GDA: variants seen among roughly 807,000 people sequenced by gnomAD.
The protein encoded by GDA is guanine deaminase, also known as cytoplasmic PSD-95 interactor.
GDA carries 18 observed loss-of-function variants against 59.6 expected under a neutral mutation model. The observed-to-expected ratio is 0.30, with a 90% confidence interval of 0.21 to 0.45. GDA has a LOEUF of 0.45. Among genes scored for constraint, GDA ranks in the 20% least tolerant of loss-of-function variants. The pLI is 1.00. For synonymous variants in GDA, 201 were observed against 201.1 expected (o/e 1.00, Z 0.00); for missense variants, 427 against 552.3 (o/e 0.77, Z 2.27).
intron 4 of GDA, among the ~76,000 whole-genome samples, chr9:72,211,758 T>C (rs554478874): frequency 1.3e-5 from 2 of 152,216 alleles, no homozygotes; most frequent in South Asian, 4.2e-4. Flanking sequence ...GGAGTGTCAA[T>C]AGTGGATGCA....
intron 10 of GDA, among the ~76,000 whole-genome samples, chr9:72,234,427 T>TA (rs907608282): frequency 3.2e-4 from 48 of 152,264 alleles, no homozygotes; most frequent in Non-Finnish European, 6.5e-4. Context: ...ATACCTCAGT[T>TA]AAAAAAATGA....
In GDA at chr9:72,198,862, A is replaced by ATATATATATATATATATATAT. The variant is rs1564025002; in HGVS notation, c.212+3274_212+3275insTATATATATATATATATATAT. On this transcript the variant is annotated intron_variant, in intron 2 of 13. Transcript: ENST00000358399. The stretch of plus-strand genomic sequence containing the variant: ...ATATAGGGGGATATATATATATATA[A>ATATATATATATATATATATAT]AATTTTTTTTGCTCAGGTTATGATA... Among the ~76,000 whole-genome samples, 262 of 91,754 alleles carry ATATATATATATATATATATAT rather than the reference A, an allele frequency of 2.9e-3. 6 individuals carry two copies. Among genetic ancestry groups the ATATATATATATATATATATAT allele is most frequent in the African/African-American group, 8.7e-3 (224 of 25,766 alleles). The allele number at this position is 91,754 out of a possible 152,430, so 60.2% of individuals were successfully genotyped here.
chr9:72,164,468 T>C (rs1290576924), intron 1 of GDA, among the ~76,000 whole-genome samples: 1 of 152,096 alleles, frequency 6.6e-6, no homozygotes, highest in Non-Finnish European at 1.5e-5. Flanking sequence ...GCAATCAGCT[T>C]GGGTTAGGTT....
intron 3 of GDA, among the ~76,000 whole-genome samples, chr9:72,206,084 T>C (rs147739693): frequency 1.4e-4 from 21 of 152,344 alleles, no homozygotes; most frequent in African/African-American, 4.6e-4. Flanking sequence ...GGTTAGTAAA[T>C]GTAATGTGTC....
intron 1 of GDA, among the ~76,000 whole-genome samples, chr9:72,116,729 C>A (rs1008173602): frequency 6.6e-6 from 1 of 151,982 alleles, no homozygotes; most frequent in South Asian, 2.1e-4. Context: ...TTTCAGAACC[C>A]TTATCTTATA....
Position 72,250,682 on chromosome 9 carries a change from G to A in GDA, c.*2340G>A. 2 of 1,610,148 alleles carry A rather than the reference G, an allele frequency of 1.2e-6. No individual in the cohort carries two copies. Among genetic ancestry groups the A allele is most frequent in the South Asian group, 2.2e-5 (2 of 91,012 alleles). ...CTAATGTAGGTTGACTTTCTGAATT[G>A]TGGAGAGGCACTTTTCCAAGCCAAT... On this transcript the variant is annotated 3_prime_UTR_variant, in exon 14 of 14. Transcript: ENST00000358399.
chr9:72,248,544 A>C lies in GDA; in HGVS notation c.*202A>C. 7.2e-7 allele frequency: 1 copy of C among 1,382,102 alleles called. No homozygotes were observed. Among genetic ancestry groups the C allele is most frequent in the Non-Finnish European group, 9.4e-7 (1 of 1,069,276 alleles). 85.6% of individuals were successfully genotyped at this position (1,382,102 alleles called of 1,614,324 possible). ...CAACTCTGGTTGAGAGGGTTCATAAATTTCATGAAAATATCTCCCTTTGGA... is the reference window on the plus strand; with the variant it reads ...CAACTCTGGTTGAGAGGGTTCATAACTTTCATGAAAATATCTCCCTTTGGA... On this transcript the variant is annotated 3_prime_UTR_variant, in exon 14 of 14. Coordinates refer to ENST00000358399, the MANE Select transcript of GDA (RefSeq NM_004293.5).
chr9:72,162,303 C>T (rs1269364161), intron 1 of GDA, among the ~76,000 whole-genome samples: 1 of 152,236 alleles, frequency 6.6e-6, no homozygotes, highest in East Asian at 1.9e-4. Flanking sequence ...AGTCAATAAT[C>T]AAATTAGTAT....
At chr9:72,171,765 A>G (rs1416883696) in intron 1 of GDA, among the ~76,000 whole-genome samples, 1 of 152,148 alleles carries the variant, frequency 6.6e-6, no homozygotes, top group African/African-American at 2.4e-5. Context: ...TTTATAACTT[A>G]AAGGCCCCTC....
At position 72,245,427 on chromosome 9, in the gene GDA, A is replaced by T. The variant is rs1840040874; in HGVS notation, c.1266+149A>T. ...GCTAGAGCCCTTTGATAATTATTATAATTTTATGACAGCAATGTTAAGAAT... is the reference window on the plus strand; with the variant it reads ...GCTAGAGCCCTTTGATAATTATTATTATTTTATGACAGCAATGTTAAGAAT... On this transcript the variant is annotated intron_variant, in intron 12 of 13. Transcript: ENST00000358399. 13 of 601,652 alleles carry T rather than the reference A, an allele frequency of 2.2e-5. No individual in the cohort carries two copies. In the South Asian group the frequency reaches 2.6e-4, roughly 12 times the overall value. 37.3% of individuals were successfully genotyped at this position (601,652 alleles called of 1,614,324 possible). A position where few individuals can be genotyped will look rare whatever the true frequency, so the allele number is the denominator to read the frequency against.
chr9:72,179,563 A>G (rs918884994), intron 1 of GDA, among the ~76,000 whole-genome samples: 1 of 152,114 alleles, frequency 6.6e-6, no homozygotes, highest in African/African-American at 2.4e-5. Context: ...AGAAAAAGGG[A>G]GTTTCTGCAG....
chr9:72,235,300 T>A (rs1344457660), intron 10 of GDA, among the ~76,000 whole-genome samples: 1 of 152,166 alleles, frequency 6.6e-6, no homozygotes, highest in African/African-American at 2.4e-5. Flanking sequence ...AAACTGAGTG[T>A]TAGGTCCTTG....
intron 1 of GDA, among the ~76,000 whole-genome samples, chr9:72,150,169 A>G (rs1827010649): frequency 6.6e-6 from 1 of 152,204 alleles, no homozygotes; most frequent in African/African-American, 2.4e-5. Context: ...CATAGAATAA[A>G]TAGAACTGAT....
intron 1 of GDA, among the ~76,000 whole-genome samples, chr9:72,127,401 G>A (rs1825882523): frequency 6.6e-6 from 1 of 152,088 alleles, no homozygotes; most frequent in Non-Finnish European, 1.5e-5. Flanking sequence ...CACTTTGGAA[G>A]GCGGAGGTGG....
chr9:72,118,378 A>G (rs1447442008), intron 1 of GDA, among the ~76,000 whole-genome samples: 1 of 151,562 alleles, frequency 6.6e-6, no homozygotes, highest in African/African-American at 2.4e-5. Flanking sequence ...TTGATAATTT[A>G]TGGTAATGTC....
At chr9:72,227,131 T>C (rs1307606169) in intron 8 of GDA, among the ~76,000 whole-genome samples, 2 of 152,010 alleles carry the variant, frequency 1.3e-5, no homozygotes, top group African/African-American at 4.8e-5. Context: ...AAAATAATAA[T>C]TCTGTAGTCA....
intron 1 of GDA, among the ~76,000 whole-genome samples, chr9:72,115,772 G>C (rs1371081953): frequency 6.6e-6 from 1 of 152,138 alleles, no homozygotes; most frequent in Non-Finnish European, 1.5e-5. Flanking sequence ...TGCTGATCTT[G>C]AATATTAATT....
intron 1 of GDA, among the ~76,000 whole-genome samples, chr9:72,171,007 G>T (rs879713919): frequency 3.3e-5 from 5 of 152,084 alleles, no homozygotes; most frequent in Admixed American, 3.3e-4. Flanking sequence ...TTTAGTGACT[G>T]GGTTTTGCCA....
In GDA at chr9:72,227,985, A is replaced by G. The variant is rs148910433; in HGVS notation, c.865A>G (p.Asn289Asp). 1.8e-5 allele frequency: 29 copies of G among 1,609,736 alleles called. No individual in the cohort carries two copies. Among genetic ancestry groups the G allele is most frequent in the African/African-American group, 2.7e-5 (2 of 74,844 alleles). The change falls in exon 9 of 14, where the codon AAC (asparagine) becomes GAC (aspartate). Residue 289 changes from asparagine (N) to aspartate (D), a missense_variant. Asn to Asp is a conservative substitution (Grantham distance 23). Transcript: ENST00000358399. ...CTGCTACCTCTCTGCAGAAGAACTG[A>G]ACGTATTCCATGAACGAGGAGCATC... Reference protein sequence around the residue: ...HGCYLSAEELNVFHERGASIA... With the variant: ...HGCYLSAEELDVFHERGASIA...
Sources: gnomAD v4.1 joint callset for allele counts (sites outside exome capture counted in the v4.1 genomes callset) on GRCh38, gnomAD v4.1.1 for gene constraint, MANE v1.5 for transcripts, NCBI Gene and HGNC (gene_info 2026-07-23, HGNC 2026-07-21) for gene names.